The following RYR3 variants were observed in gnomAD, a reference collection of about 807,000 sequenced individuals.
RYR3 encodes brain ryanodine receptor-calcium release channel.
A neutral mutation model predicts 584.3 loss-of-function variants in RYR3; 207 were observed. The observed-to-expected ratio is 0.35, with a 90% CI of 0.32 to 0.40. RYR3 has a LOEUF of 0.40. Among genes scored for constraint, RYR3 ranks in the 10% least tolerant of loss-of-function variants. The probability of loss-of-function intolerance (pLI) is 1.00; values close to 1 mark genes in which losing one functional copy is unlikely to be tolerated. For synonymous variants in RYR3, 2,416 were observed against 2,248.5 expected (o/e 1.07, Z -2.11); for missense variants, 5,616 against 6,089.2 (o/e 0.92, Z 2.59).
At chr15:33,481,135 A>G (rs2049924697) in intron 2 of RYR3, among the ~76,000 whole-genome samples, 1 of 152,136 alleles carries the variant, frequency 6.6e-6, no homozygotes, top group African/African-American at 2.4e-5. Context: ...AAGCTTTCTT[A>G]TGCTTACTGT....
In RYR3 at chr15:33,609,006, C is replaced by G. The variant is rs146060669; in HGVS notation, c.2165-4177C>G. On this transcript the variant is annotated intron_variant, in intron 18 of 103. Coordinates refer to ENST00000634891, the MANE Select transcript of RYR3 (RefSeq NM_001036.6). The stretch of plus-strand genomic sequence containing the variant: ...GCCCTGCTGCAGATGAAGAGCATCC[C>G]CCATGAAAGCTGCTCTTTGTCTTCA... 6.4e-3 allele frequency among the ~76,000 whole-genome samples: 973 copies of G among 152,290 alleles called. 16 individuals are homozygous for G. The highest frequency in any genetic ancestry group is 0.022 in the African/African-American group (907 of 41,556).
intron 15 of RYR3, among the ~76,000 whole-genome samples, chr15:33,585,636 G>A (rs74686789): frequency 0.016 from 2,509 of 152,264 alleles, 29 homozygotes; most frequent in Middle Eastern, 0.027. Flanking sequence ...TAAACTGGAC[G>A]TCTTCTCTTG....
Position 33,663,563 on chromosome 15 carries a change from C to T in RYR3, c.5445C>T (p.Cys1815=), listed in dbSNP as rs761834920. 1.5e-5 allele frequency: 25 copies of T among 1,613,654 alleles called. No individual in the cohort carries two copies. Among genetic ancestry groups the T allele is most frequent in the Admixed American group, 5.0e-5 (3 of 59,986 alleles). ...LQMCELLSYL[C]DCELQHRVEA... ...TGTGTGAGCTCCTCAGCTATCTCTG[C>T]GACTGTGAGCTGCAGCACCGAGTGG... is the stretch of plus-strand genomic sequence containing the variant. Residue 1815 remains cysteine, a synonymous_variant, in exon 36 of 104, where the codon TGC becomes TGT. Coordinates refer to ENST00000634891, the MANE Select transcript of RYR3 (RefSeq NM_001036.6).
chr15:33,503,224 G>GA (rs887252378), intron 2 of RYR3, among the ~76,000 whole-genome samples: 3 of 152,098 alleles, frequency 2.0e-5, no homozygotes, highest in African/African-American at 7.2e-5. Context: ...CTACTGTCTA[G>GA]AGCCACATTA....
chr15:33,563,181 T>C (rs1481450064), intron 11 of RYR3, among the ~76,000 whole-genome samples, 171 bp downstream of exon 11: 4 of 152,352 alleles, frequency 2.6e-5, no homozygotes, highest in African/African-American at 9.6e-5. Flanking sequence ...CAGCCTAATT[T>C]GGATACTTTG....
At chr15:33,600,907 G>A (rs1426550984) in intron 16 of RYR3, among the ~76,000 whole-genome samples, 1 of 152,012 alleles carries the variant, frequency 6.6e-6, no homozygotes, top group Non-Finnish European at 1.5e-5. Flanking sequence ...TAAGACCTCC[G>A]CTAATACTCA....
intron 1 of RYR3, among the ~76,000 whole-genome samples, chr15:33,377,891 C>T (rs1451813928): frequency 6.6e-6 from 1 of 152,154 alleles, no homozygotes; most frequent in East Asian, 1.9e-4. Flanking sequence ...GGCAATCCTC[C>T]TGCCTCAGCC....
chr15:33,620,077 C>T (rs934861158), intron 19 of RYR3, among the ~76,000 whole-genome samples: 1 of 152,164 alleles, frequency 6.6e-6, no homozygotes, highest in East Asian at 1.9e-4. Context: ...TCTACTCAGA[C>T]ATTTGCCTTT....
chr15:33,536,445 G>A (rs1412040693), intron 5 of RYR3, among the ~76,000 whole-genome samples: 1 of 152,156 alleles, frequency 6.6e-6, no homozygotes, highest in Non-Finnish European at 1.5e-5. Context: ...AGACTTAGGA[G>A]GAAAGAAATG....
At chr15:33,674,970 C>A (rs2064080858) in intron 38 of RYR3, among the ~76,000 whole-genome samples, 1 of 151,024 alleles carries the variant, frequency 6.6e-6, no homozygotes. Context: ...AATCCAGTGG[C>A]TATAGTCCCA....
chr15:33,724,787 A>C (rs2068220389), intron 45 of RYR3, among the ~76,000 whole-genome samples: 1 of 152,178 alleles, frequency 6.6e-6, no homozygotes, highest in Non-Finnish European at 1.5e-5. Context: ...TGCTTTTCCT[A>C]TGAAAAGCAA....
chr15:33,615,987 T>C (rs2339314), intron 19 of RYR3, among the ~76,000 whole-genome samples: 151,610 of 152,340 alleles, frequency 1, 75,443 homozygotes, highest in Middle Eastern at 1. Flanking sequence ...TCAGGAACTT[T>C]CCTGAAGAAA....
chr15:33,415,198 T>C (rs968342541), intron 1 of RYR3, among the ~76,000 whole-genome samples: 1 of 152,230 alleles, frequency 6.6e-6, no homozygotes, highest in Non-Finnish European at 1.5e-5. Flanking sequence ...GATGGTATTT[T>C]AGATATATTG....
intron 1 of RYR3, among the ~76,000 whole-genome samples, chr15:33,384,601 G>GCA (rs10659855): frequency 0.6 from 87,458 of 145,142 alleles, 26,362 homozygotes; most frequent in Non-Finnish European, 0.63. Flanking sequence ...ATCTATATAT[G>GCA]CACACACACA....
chr15:33,663,520 T>C lies in RYR3; in HGVS notation c.5419-17T>C. 1 of 1,610,130 alleles carries C rather than the reference T, an allele frequency of 6.2e-7. No individual in the cohort carries two copies. Among genetic ancestry groups the C allele is most frequent in the South Asian group, 1.1e-5 (1 of 90,140 alleles). On this transcript the variant is annotated splice_polypyrimidine_tract_variant and intron_variant, in intron 35 of 103. Coordinates refer to ENST00000634891, the MANE Select transcript of RYR3 (RefSeq NM_001036.6). ...CAAAGTACACAAAGTGTTATCTATA[T>C]AATACTTTCATTGCAGATGTGTGAG...
At chr15:33,813,122 C>T in intron 73 of RYR3, 128 bp downstream of exon 73, 2 of 1,163,410 alleles carry the variant, frequency 1.7e-6, no homozygotes, top group Non-Finnish European at 2.4e-6. Context: ...CAAGGATCAT[C>T]CCAGATCACC....
intron 3 of RYR3, among the ~76,000 whole-genome samples, chr15:33,515,682 C>T (rs1595394011): frequency 6.6e-6 from 1 of 152,172 alleles, no homozygotes; most frequent in African/African-American, 2.4e-5. Context: ...ATGGTAAGTT[C>T]GCTGGGCTGA....
At chr15:33,448,773 G>A (rs2141952909) in intron 1 of RYR3, among the ~76,000 whole-genome samples, 1 of 152,224 alleles carries the variant, frequency 6.6e-6, no homozygotes, top group South Asian at 2.1e-4. Flanking sequence ...GGCCTCATTA[G>A]GTGAGGAGGC....
chr15:33,634,812 G>T (rs540223629), intron 25 of RYR3, 79 bp downstream of exon 25: 1 of 1,201,684 alleles, frequency 8.3e-7, no homozygotes, highest in Non-Finnish European at 1.2e-6. Context: ...CTTCAAATAG[G>T]TCTAACTTGT....
Sources: gnomAD v4.1 joint callset for allele counts (sites outside exome capture counted in the v4.1 genomes callset) on GRCh38, gnomAD v4.1.1 for gene constraint, MANE v1.5 for transcripts, NCBI Gene and HGNC (gene_info 2026-07-23, HGNC 2026-07-21) for gene names.